The following CNOT9 variants were observed in gnomAD, a reference collection of about 807,000 sequenced individuals.
CNOT9 encodes CCR4-NOT transcription complex subunit 9.
A neutral mutation model predicts 37.4 loss-of-function variants in CNOT9; 8 were observed. That is an observed-to-expected ratio of 0.21 (90% CI 0.13 to 0.39). The LOEUF (loss-of-function observed/expected upper bound fraction) is 0.39. Among genes scored for constraint, CNOT9 ranks in the 10% least tolerant of loss-of-function variants. The pLI is 1.00. For missense variants in CNOT9, 154 were observed against 365.3 expected, an observed-to-expected ratio of 0.42 and a Z score of 4.71; for synonymous variants, 120 against 137.6, an observed-to-expected ratio of 0.87 and a Z score of 0.90.
chr2:218,568,844 G>T lies in CNOT9; in HGVS notation c.-111G>T. 1 of 1,284,360 alleles carries T rather than the reference G, an allele frequency of 7.8e-7. No homozygotes were observed. The highest frequency in any genetic ancestry group is 1.1e-6 in the Non-Finnish European group (1 of 915,868). The allele number at this position is 1,284,360 out of a possible 1,614,324, so 79.6% of individuals were successfully genotyped here. A position where few individuals can be genotyped will look rare whatever the true frequency, so the allele number is the denominator to read the frequency against. ...GGCCGCGAAGTGGGCGGAGCGAGCC[G>T]GAGTCGGATGGCGGCTACGGCGGCT... On this transcript the variant is annotated 5_prime_UTR_variant, in exon 1 of 8. Transcript: ENST00000273064.
rs557455120 is a variant in CNOT9, at chr2:218,573,962, A to G, written c.24+4984A>G. 8.9e-5 allele frequency: 37 copies of G among 416,062 alleles called. 1 individual carries two copies. The East Asian group carries it at 3.1e-3, about 35-fold the overall frequency. The allele number at this position is 416,062 out of a possible 1,614,324, so 25.8% of individuals were successfully genotyped here. The stretch of plus-strand genomic sequence containing the variant: ...TTAAAAGAACAGGACTGTTGACTTT[A>G]TTTTTTTATTTTATTTTATGTTTTT... On this transcript the variant is annotated intron_variant, in intron 1 of 7. Coordinates refer to ENST00000273064, the MANE Select transcript of CNOT9 (RefSeq NM_005444.3).
intron 5 of CNOT9, among the ~76,000 whole-genome samples, chr2:218,589,041 G>A (rs1042131815): frequency 6.6e-6 from 1 of 150,828 alleles, no homozygotes; most frequent in African/African-American, 2.4e-5. Context: ...CATATTATTT[G>A]ATTTTTTTCA....
intron 4 of CNOT9, among the ~76,000 whole-genome samples, chr2:218,586,489 T>A (rs1190429754): frequency 8.2e-6 from 1 of 121,550 alleles, no homozygotes; most frequent in African/African-American, 3.5e-5. Flanking sequence ...TGATCTCAGC[T>A]TTTTTTTTTT....
intron 5 of CNOT9, chr2:218,589,360 A>C (rs1355393918): frequency 6.6e-6 from 1 of 152,174 alleles, no homozygotes; most frequent in African/African-American, 2.4e-5. Flanking sequence ...ATTTATTTAG[A>C]GACAGGATCT....
rs923069968 is a variant in CNOT9, at chr2:218,594,779, G to T, written c.*503G>T. On this transcript the variant is annotated 3_prime_UTR_variant, in exon 8 of 8. Transcript: ENST00000273064. ...TTTTTGTTTTTAATCTCAGAGAGAGGTGTGTTTAGTGGGCACAAGCTGTAA... is the reference window on the plus strand; with the variant it reads ...TTTTTGTTTTTAATCTCAGAGAGAGTTGTGTTTAGTGGGCACAAGCTGTAA... The T allele has an allele frequency of 1.3e-5, 2 of 154,608 alleles. No homozygotes were observed. Among genetic ancestry groups the T allele is most frequent in the East Asian group, 1.9e-4 (1 of 5,256 alleles). The allele number at this position is 154,608 out of a possible 1,614,324, so 9.6% of individuals were successfully genotyped here. A position where few individuals can be genotyped will look rare whatever the true frequency, so the allele number is the denominator to read the frequency against.
At chr2:218,584,061 A>G (rs1041344836) in intron 3 of CNOT9, among the ~76,000 whole-genome samples, 1 of 152,248 alleles carries the variant, frequency 6.6e-6, no homozygotes, top group Non-Finnish European at 1.5e-5. Flanking sequence ...ATTCAGTCAT[A>G]GGTGAGGGAG....
chr2:218,577,245 C>T (rs1028438333), intron 1 of CNOT9, among the ~76,000 whole-genome samples: 2 of 152,116 alleles, frequency 1.3e-5, no homozygotes, highest in Non-Finnish European at 2.9e-5. Context: ...TTGTATTCAT[C>T]CCATGACAGG....
At chr2:218,571,791 G>A in intron 1 of CNOT9, among the ~76,000 whole-genome samples, 1 of 140,276 alleles carries the variant, frequency 7.1e-6, no homozygotes, top group East Asian at 2.1e-4. Flanking sequence ...CTTCATGTTG[G>A]TCAGCCTGGT....
Position 218,587,669 on chromosome 2 carries a change from G to A in CNOT9, c.514G>A (p.Glu172Lys). 6.2e-7 allele frequency: 1 copy of A among 1,601,438 alleles called. No individual in the cohort carries two copies. The highest frequency in any genetic ancestry group is 8.5e-7 in the Non-Finnish European group (1 of 1,171,920). ...TATCCCTTTATGTTTGCGAATTATG[G>A]AATCTGGAAGTGAACTTTCTAAAAC... Reference protein sequence around the residue: ...EIIPLCLRIMESGSELSKTVA... With the variant: ...EIIPLCLRIMKSGSELSKTVA... The change falls in exon 5 of 8, where the codon GAA becomes AAA. Residue 172 changes from glutamate to lysine, a missense_variant. Glu to Lys is a moderately conservative substitution (Grantham distance 56). Transcript: ENST00000273064.
Position 218,592,483 on chromosome 2 carries a change from C to A in CNOT9, c.639+81C>A. 1 of 1,455,816 alleles carries A rather than the reference C, an allele frequency of 6.9e-7. No individual in the cohort carries two copies. 90.2% of individuals were successfully genotyped at this position (1,455,816 alleles called of 1,614,324 possible). ...CTTTATAACTGGCATTGAACAACTT[C>A]AGTCCTCTGACTAGAACTAACAATT... On this transcript the variant is annotated intron_variant, in intron 6 of 7. Coordinates refer to ENST00000273064, the MANE Select transcript of CNOT9 (RefSeq NM_005444.3). The surrounding 1 kb of genome is among the most constrained non-coding windows in gnomAD (Gnocchi z 4.1).
chr2:218,576,688 C>T (rs1694181558), intron 1 of CNOT9, among the ~76,000 whole-genome samples: 1 of 152,132 alleles, frequency 6.6e-6, no homozygotes, highest in Non-Finnish European at 1.5e-5. Context: ...CATTTTTAGG[C>T]TGAGCACAGT....
intron 5 of CNOT9, among the ~76,000 whole-genome samples, chr2:218,590,234 A>T (rs183572392): frequency 5.8e-4 from 88 of 152,036 alleles, no homozygotes; most frequent in African/African-American, 2.1e-3. Flanking sequence ...TACCCAGCTA[A>T]TTTTTTGTAT....
At chr2:218,583,227 GTGTGTGTCTCTCTCTCTCTCTCTCTCTC>G (rs755740496) in intron 3 of CNOT9, 141 bp downstream of exon 3, 44,280 of 205,884 alleles carry the variant, frequency 0.22, 3,189 homozygotes, top group East Asian at 0.28. Context: ...GTGTGTGTGT[GTGTGTGTCTCTCTCTCTCTCTCTCTCTC>G]TCTCTCTCTC....
chr2:218,578,933 T>A (rs1010254701), intron 1 of CNOT9, among the ~76,000 whole-genome samples: 9 of 152,196 alleles, frequency 5.9e-5, no homozygotes, highest in African/African-American at 2.2e-4. Context: ...CATGCCCTAT[T>A]AAGTATGTAT....
intron 4 of CNOT9, among the ~76,000 whole-genome samples, chr2:218,585,208 A>C (rs1283593004): frequency 1.4e-5 from 2 of 145,296 alleles, no homozygotes; most frequent in Admixed American, 7.1e-5. Flanking sequence ...GGGCACAGGC[A>C]CACACCACTG....
chr2:218,575,375 C>A (rs1027948498), intron 1 of CNOT9, among the ~76,000 whole-genome samples: 2 of 139,238 alleles, frequency 1.4e-5, no homozygotes, highest in East Asian at 4.0e-4. Context: ...TTTCTTTTTT[C>A]TTTTCTTTTT....
chr2:218,572,610 G>A (rs1694035581), intron 1 of CNOT9: 6 of 881,666 alleles, frequency 6.8e-6, no homozygotes, highest in East Asian at 1.2e-4. Flanking sequence ...CAGCTTAGGC[G>A]ACATAGTGAG....
Position 218,596,340 on chromosome 2 carries a change from T to C in CNOT9, c.*2064T>C, listed in dbSNP as rs1364029719. ...TTGTAGTTGATCCTGGTGTGTGTAT[T>C]ATATAAAGAGACCCCTCCCCTTATT... On this transcript the variant is annotated 3_prime_UTR_variant, in exon 8 of 8. Coordinates refer to ENST00000273064, the MANE Select transcript of CNOT9 (RefSeq NM_005444.3). The C allele has an allele frequency of 6.6e-6, 1 of 152,170 alleles. No homozygotes were observed. The highest frequency in any genetic ancestry group is 6.6e-5 in the Admixed American group (1 of 15,262). 9.4% of individuals were successfully genotyped at this position (152,170 alleles called of 1,614,324 possible).
intron 2 of CNOT9, 81 bp from the exon 3 acceptor site, chr2:218,582,890 T>C (rs74959675): frequency 2.3e-5 from 3 of 130,796 alleles, no homozygotes; most frequent in Non-Finnish European, 3.7e-5. Context: ...TTTATTTGCC[T>C]TTTTTTTTTT....
Sources: allele counts gnomAD v4.1 joint callset (sites outside exome capture counted in the v4.1 genomes callset), GRCh38; gene constraint gnomAD v4.1.1; non-coding constraint Gnocchi (gnomAD v3.1); transcripts MANE v1.5; gene names NCBI Gene and HGNC (gene_info 2026-07-23, HGNC 2026-07-21).